Variants in NR2C2 observed in about 807,000 individuals in gnomAD.
The protein encoded by NR2C2 is Nuclear hormone receptor TR4.
In NR2C2, 6 loss-of-function variants were observed where a neutral mutation model predicts 62.9. The ratio of observed to expected loss-of-function variants is 0.10; its 90% CI spans 0.05 to 0.19. The LOEUF is 0.19. NR2C2 is among the 10% of genes least tolerant of loss of function. NR2C2 has a pLI of 1.00. For missense variants in NR2C2, 479 were observed against 762.7 expected, an observed-to-expected ratio of 0.63 and a Z score of 4.38; for synonymous variants, 272 against 273.8, an observed-to-expected ratio of 0.99 and a Z score of 0.07.
In NR2C2 at chr3:15,044,163, A is replaced by C. The variant is rs1224059987; in HGVS notation, c.*1155A>C. On this transcript the variant is annotated 3_prime_UTR_variant, in exon 14 of 14. Coordinates refer to ENST00000425241, the MANE Select transcript of NR2C2 (RefSeq NM_001291694.2). ...GGCAGGAGCCTGCTGCCGCCTGGCG[A>C]GAGTGGTTAGGGCCTGGTAAAGCTG... The C allele has an allele frequency of 6.6e-6, 1 of 152,216 alleles. No homozygotes were observed. The highest frequency in any genetic ancestry group is 2.4e-5 in the African/African-American group (1 of 41,424). 9.4% of individuals were successfully genotyped at this position (152,216 alleles called of 1,614,324 possible).
intron 1 of NR2C2, among the ~76,000 whole-genome samples, chr3:14,983,210 G>T (rs531947128): frequency 1.3e-5 from 2 of 151,566 alleles, no homozygotes; most frequent in African/African-American, 4.8e-5. Flanking sequence ...CTTATTTATT[G>T]TATCTAACTA....
At chr3:15,031,370 ATTTT>A (rs34302514) in intron 9 of NR2C2, among the ~76,000 whole-genome samples, 3 of 145,712 alleles carry the variant, frequency 2.1e-5, no homozygotes, top group Admixed American at 1.4e-4. Flanking sequence ...TTCCCCCAGT[ATTTT>A]TTTTTTTTTT....
At chr3:14,968,984 T>G (rs1411767231) in intron 1 of NR2C2, among the ~76,000 whole-genome samples, 2 of 114,410 alleles carry the variant, frequency 1.7e-5, no homozygotes, top group Non-Finnish European at 3.5e-5. Flanking sequence ...TGGGGACTGT[T>G]GTGGGGTGGG....
At chr3:15,042,067 G>A (rs1279735329) in intron 13 of NR2C2, among the ~76,000 whole-genome samples, 2 of 152,030 alleles carry the variant, frequency 1.3e-5, no homozygotes, top group African/African-American at 2.4e-5. Context: ...GGGTGTTTCC[G>A]GTTTGGGCTG....
intron 13 of NR2C2, among the ~76,000 whole-genome samples, chr3:15,040,395 T>A (rs1244746894): frequency 1.3e-5 from 2 of 152,158 alleles, no homozygotes; most frequent in Admixed American, 1.3e-4. Flanking sequence ...AAAATAAACA[T>A]TGGAACAAAA....
rs1007662553 is a variant in NR2C2 at position 15,030,204 on chromosome 3, C to T, written c.933-71C>T. The T allele has an allele frequency of 8.5e-6, 11 of 1,287,256 alleles. No homozygotes were observed. In the African/African-American group the frequency reaches 1.7e-4, roughly 20 times the overall value. The allele number at this position is 1,287,256 out of a possible 1,614,324, so 79.7% of individuals were successfully genotyped here. A position where few individuals can be genotyped will look rare whatever the true frequency, so the allele number is the denominator to read the frequency against. ...TTTTCCCACTGTAGTTTTTCTAAAT[C>T]ATAGCTAGAATTCTGTTCCCCCTAA... is the stretch of plus-strand genomic sequence containing the variant. On this transcript the variant is annotated intron_variant, in intron 8 of 13. Transcript: ENST00000425241.
At chr3:15,008,043 G>A (rs889368131) in intron 2 of NR2C2, among the ~76,000 whole-genome samples, 1 of 152,128 alleles carries the variant, frequency 6.6e-6, no homozygotes, top group African/African-American at 2.4e-5. Flanking sequence ...AACTGGAGAG[G>A]CTACCTCATC....
At chr3:15,027,917 G>A (rs2041868877) in intron 7 of NR2C2, among the ~76,000 whole-genome samples, 1 of 151,576 alleles carries the variant, frequency 6.6e-6, no homozygotes, top group African/African-American at 2.4e-5. Flanking sequence ...CCCAGGCAGT[G>A]GCACAATCTC....
chr3:14,993,292 A>G (rs1380119468), intron 1 of NR2C2, among the ~76,000 whole-genome samples: 2 of 151,980 alleles, frequency 1.3e-5, no homozygotes. Context: ...CGTCTCTACT[A>G]AAAATACAAA....
At chr3:15,011,218 G>A (rs775010848) in intron 2 of NR2C2, among the ~76,000 whole-genome samples, 1 of 152,150 alleles carries the variant, frequency 6.6e-6, no homozygotes, top group Non-Finnish European at 1.5e-5. Context: ...ACGCGCCTGT[G>A]GTCTCAGCTA....
intron 1 of NR2C2, among the ~76,000 whole-genome samples, chr3:14,974,597 G>GT (rs1316488748): frequency 6.8e-6 from 1 of 147,842 alleles, no homozygotes; most frequent in African/African-American, 2.5e-5. Context: ...TATACTTATG[G>GT]TTTTTTTGTT....
At chr3:15,019,604 T>G (rs377147628) in intron 4 of NR2C2, among the ~76,000 whole-genome samples, 1 of 152,184 alleles carries the variant, frequency 6.6e-6, no homozygotes, top group African/African-American at 2.4e-5. Context: ...TCCTGCACTT[T>G]GTGACAACAT....
intron 1 of NR2C2, among the ~76,000 whole-genome samples, chr3:14,971,894 C>T (rs1205646136): frequency 1.1e-4 from 17 of 150,774 alleles, no homozygotes; most frequent in Non-Finnish European, 2.2e-4. Context: ...CTGCAACCTC[C>T]GCCTCCCAGG....
chr3:15,023,079 A>T (rs1001984124), intron 5 of NR2C2, 121 bp from the exon 6 acceptor site: 3 of 1,073,498 alleles, frequency 2.8e-6, no homozygotes, highest in African/African-American at 3.2e-5. Flanking sequence ...GTGAAAGCTG[A>T]GCTAGATGAA....
chr3:15,029,160 G>A (rs1217782672), intron 8 of NR2C2, among the ~76,000 whole-genome samples: 1 of 147,054 alleles, frequency 6.8e-6, no homozygotes. Flanking sequence ...GCCTAGGCTG[G>A]TCTAGAACTC....
rs569990004 is a variant in NR2C2 at position 14,947,913 on chromosome 3, T to G, written c.-40+7T>G. ...TTTGGCGCCAAATCCTGAGGTAAAA[T>G]TGAAAGAGGGTCGGGCGGGCTCGGG... On this transcript the variant is annotated splice_region_variant and intron_variant, in intron 1 of 13. Coordinates refer to ENST00000425241, the MANE Select transcript of NR2C2 (RefSeq NM_001291694.2). 6.7e-6 allele frequency: 1 copy of G among 149,074 alleles called. No individual in the cohort carries two copies. Among genetic ancestry groups the G allele is most frequent in the Non-Finnish European group, 1.5e-5 (1 of 67,052 alleles). 9.2% of individuals were successfully genotyped at this position (149,074 alleles called of 1,614,324 possible).
chr3:14,959,661 A>G (rs1386386334), intron 1 of NR2C2: 1 of 152,188 alleles, frequency 6.6e-6, no homozygotes, highest in Non-Finnish European at 1.5e-5. Context: ...CAAGTGTATA[A>G]AGAAAGGTTG....
chr3:15,032,229 G>A (rs565414473), intron 9 of NR2C2, 150 bp from the exon 10 acceptor site: 19 of 1,064,876 alleles, frequency 1.8e-5, no homozygotes, highest in African/African-American at 1.7e-4. Context: ...TGGGGAGTCC[G>A]TGCAAGCCCC....
chr3:14,993,243 C>T (rs2040719334), intron 1 of NR2C2, among the ~76,000 whole-genome samples: 1 of 152,134 alleles, frequency 6.6e-6, no homozygotes, highest in African/African-American at 2.4e-5. Flanking sequence ...CACCTGAGGT[C>T]AGGAGTTCGA....
Sources: gnomAD v4.1 joint callset for allele counts (sites outside exome capture counted in the v4.1 genomes callset) on GRCh38, gnomAD v4.1.1 for gene constraint, MANE v1.5 for transcripts, NCBI Gene and HGNC (gene_info 2026-07-23, HGNC 2026-07-21) for gene names.